The following DAPK2 variants were observed in gnomAD, a reference collection of about 807,000 sequenced individuals.
The protein encoded by DAPK2 is death-associated protein kinase 2.
DAPK2 carries 35 observed loss-of-function variants against 44.1 expected under a neutral mutation model. The observed-to-expected ratio is 0.79, with a 90% CI of 0.61 to 1.05. The LOEUF (loss-of-function observed/expected upper bound fraction) is 1.05, where lower values mean the gene tolerates loss of function less well. DAPK2 is among the 50% of genes least tolerant of loss of function. The pLI, the probability that DAPK2 is intolerant of heterozygous loss-of-function variation, is 0.00. For synonymous variants in DAPK2, 174 were observed against 182.6 expected (o/e 0.95, Z 0.38); for missense variants, 453 against 483.2 (o/e 0.94, Z 0.59).
chr15:63,930,285 T>C, intron 5 of DAPK2, 122 bp downstream of exon 6: 1 of 999,804 alleles, frequency 1.0e-6, no homozygotes, highest in Non-Finnish European at 1.6e-6. Context: ...AGCCAGAGGC[T>C]CTGAACAGTG....
intron 3 of DAPK2, among the ~76,000 whole-genome samples, chr15:63,970,304 G>T (rs974045368): frequency 2.0e-5 from 3 of 152,174 alleles, no homozygotes; most frequent in African/African-American, 7.2e-5. Context: ...TCCCATGCCT[G>T]TACTTCCCTG....
exon 7 of DAPK2, chr15:63,926,074 A>G: frequency 6.2e-7 from 1 of 1,611,392 alleles, no homozygotes; most frequent in South Asian, 1.1e-5. Flanking sequence ...TCTCCCAGGA[A>G]AGGGGATGCT....
At chr15:63,994,062 T>C (rs1249990944) in intron 1 of DAPK2, among the ~76,000 whole-genome samples, 4 of 152,144 alleles carry the variant, frequency 2.6e-5, no homozygotes, top group Non-Finnish European at 4.4e-5. Context: ...ACTATCTTCA[T>C]GGCCAGGAAA....
intron 1 of DAPK2, among the ~76,000 whole-genome samples, chr15:64,024,566 C>T (rs28708631): frequency 0.2 from 29,998 of 152,156 alleles, 3,043 homozygotes; most frequent in South Asian, 0.24. Context: ...GTGCAAAGCA[C>T]CAAGGAGCTC....
chr15:64,002,916 CTGTGTGTGTGTGTGTGTGTGTG>C lies in DAPK2; in HGVS notation c.93-19184_93-19163del, dbSNP rs3056849. 9.5e-4 allele frequency among the ~76,000 whole-genome samples: 82 copies of C among 86,136 alleles called. 1 individual carries two copies. The highest frequency in any genetic ancestry group is 7.6e-4 in the Non-Finnish European group (34 of 44,488). The allele number at this position is 86,136 out of a possible 152,430, so 56.5% of individuals were successfully genotyped here. ...AGGGAGGGAGAGAAAGACTGAGACA[CTGTGTGTGTGTGTGTGTGTGTG>C]TGTGTGTGTGTGTGTGTGTGTGTGT... On this transcript the variant is annotated intron_variant, in intron 1 of 10. Transcript: ENST00000261891.
At chr15:63,918,433 A>C (rs1260393983) in intron 8 of DAPK2, 1 of 152,324 alleles carries the variant, frequency 6.6e-6, no homozygotes. Flanking sequence ...TGCCTTCCCC[A>C]AGGGCCAGCT....
At chr15:63,951,538 G>A (rs2077586629) in intron 3 of DAPK2, among the ~76,000 whole-genome samples, 1 of 152,164 alleles carries the variant, frequency 6.6e-6, no homozygotes, top group Admixed American at 6.5e-5. Flanking sequence ...CCACTCTGCA[G>A]AGACAGAGAG....
chr15:63,928,985 G>A (rs888619334), intron 6 of DAPK2, among the ~76,000 whole-genome samples: 2 of 152,106 alleles, frequency 1.3e-5, no homozygotes, highest in Admixed American at 6.5e-5. Context: ...GATGGACCAC[G>A]AGGTTAGGAG....
chr15:63,921,409 T>G (rs2079068191), intron 8 of DAPK2: 1 of 152,256 alleles, frequency 6.6e-6, no homozygotes, highest in Non-Finnish European at 1.5e-5. Context: ...AGTCTGCCTC[T>G]AAGATAGGGA....
intron 3 of DAPK2, among the ~76,000 whole-genome samples, chr15:63,953,420 G>T (rs2077643303): frequency 6.6e-6 from 1 of 152,126 alleles, no homozygotes. Flanking sequence ...ATGACCTTCA[G>T]TTCCATCCAA....
intron 1 of DAPK2, among the ~76,000 whole-genome samples, chr15:63,985,527 G>A (rs2140875405): frequency 6.6e-6 from 1 of 152,332 alleles, no homozygotes; most frequent in Non-Finnish European, 1.5e-5. Context: ...GCAGCCGCTG[G>A]CAGGGCCTGG....
intron 1 of DAPK2, among the ~76,000 whole-genome samples, chr15:63,994,668 C>T (rs949229828): frequency 1.3e-5 from 2 of 149,744 alleles, no homozygotes; most frequent in Non-Finnish European, 3.0e-5. Context: ...CGGCTCACTG[C>T]AACCTCCGCC....
chr15:63,998,018 T>A (rs1052313369), intron 1 of DAPK2, among the ~76,000 whole-genome samples: 10 of 152,244 alleles, frequency 6.6e-5, no homozygotes, highest in African/African-American at 2.4e-4. Context: ...GCTCTGGGCT[T>A]CAGTTTTCCC....
chr15:64,033,326 A>AAGGAAGGAAGG (rs150809859), intron 1 of DAPK2, among the ~76,000 whole-genome samples: 2,391 of 130,836 alleles, frequency 0.018, 43 homozygotes, highest in South Asian at 0.04. Flanking sequence ...GGAAGGAAGG[A>AAGGAAGGAAGG]AAAAAAAAAT....
intron 3 of DAPK2, among the ~76,000 whole-genome samples, chr15:63,956,590 A>ATT (rs1006073091): frequency 1.4e-5 from 2 of 143,824 alleles, no homozygotes; most frequent in Non-Finnish European, 1.5e-5. Context: ...TTCAATTTAA[A>ATT]TTTTTTTTTT....
intron 6 of DAPK2, among the ~76,000 whole-genome samples, chr15:63,928,994 A>G (rs1473049424): frequency 1.3e-5 from 2 of 152,116 alleles, no homozygotes; most frequent in Non-Finnish European, 2.9e-5. Flanking sequence ...CGAGGTTAGG[A>G]GTTCAAGACC....
rs559044730 is a variant in DAPK2, at chr15:64,013,824, G to A, written c.92+26346C>T. Reference sequence around the variant, plus strand: ...GGAAACATGGGACCAGTCCCTGTAAGTGGTCCAGCCTCACATGAATAAATC... The same window carrying A: ...GGAAACATGGGACCAGTCCCTGTAAATGGTCCAGCCTCACATGAATAAATC... On this transcript the variant is annotated intron_variant, in intron 1 of 10. Coordinates refer to ENST00000261891, the Ensembl canonical transcript of DAPK2. The surrounding 1 kb of genome is among the most constrained non-coding windows in gnomAD (Gnocchi z 4.7). 7.7e-4 allele frequency among the ~76,000 whole-genome samples: 117 copies of A among 152,338 alleles called. No homozygotes were observed. The highest frequency in any genetic ancestry group is 2.8e-3 in the African/African-American group (115 of 41,568).
At chr15:63,974,668 G>T (rs1324226589) in intron 2 of DAPK2, among the ~76,000 whole-genome samples, 1 of 152,198 alleles carries the variant, frequency 6.6e-6, no homozygotes, top group African/African-American at 2.4e-5. Context: ...CTTAAAAGGT[G>T]CTAGACTCTC....
intron 2 of DAPK2, among the ~76,000 whole-genome samples, chr15:63,974,066 T>A (rs1046537607): frequency 5.3e-5 from 8 of 152,198 alleles, no homozygotes; most frequent in Non-Finnish European, 1.5e-5. Context: ...TAGAATACTG[T>A]TTTTGATGTT....
Sources: gnomAD v4.1 joint callset for allele counts (sites outside exome capture counted in the v4.1 genomes callset) on GRCh38, gnomAD v4.1.1 for gene constraint, Gnocchi (gnomAD v3.1) non-coding constraint, MANE v1.5 for transcripts, NCBI Gene and HGNC (gene_info 2026-07-23, HGNC 2026-07-21) for gene names.